The following CHKA variants were observed in gnomAD, a reference collection of about 807,000 sequenced individuals.
The protein encoded by CHKA is CHETK-alpha.
A neutral mutation model predicts 60.1 loss-of-function variants in CHKA; 34 were observed. The ratio of observed to expected loss-of-function variants is 0.57; its 90% CI spans 0.43 to 0.75. The LOEUF (loss-of-function observed/expected upper bound fraction) is 0.75. CHKA is among the 30% of genes least tolerant of loss of function. The pLI, the probability that CHKA is intolerant of heterozygous loss-of-function variation, is 0.00. For synonymous variants in CHKA, 217 were observed against 223.1 expected (o/e 0.97, Z 0.24); for missense variants, 563 against 561.3 (o/e 1.00, Z -0.03).
At chr11:68,088,607 T>C (rs1857260244) in intron 2 of CHKA, among the ~76,000 whole-genome samples, 1 of 152,184 alleles carries the variant, frequency 6.6e-6, no homozygotes, top group African/African-American at 2.4e-5. Flanking sequence ...AAGAGTTATG[T>C]GACTCTTTCA....
chr11:68,108,810 C>A (rs752411324), intron 1 of CHKA, among the ~76,000 whole-genome samples: 1 of 152,150 alleles, frequency 6.6e-6, no homozygotes, highest in Non-Finnish European at 1.5e-5. Context: ...CCGGCAGATA[C>A]AGAGAATCAC....
At chr11:68,084,307 TATACATGTGTATATATATACAC>T (rs1857087621) in intron 2 of CHKA, among the ~76,000 whole-genome samples, 12 of 141,228 alleles carry the variant, frequency 8.5e-5, no homozygotes, top group Non-Finnish European at 1.1e-4. Context: ...TATATGTGTA[TATACATGTGTATATATATACAC>T]ATATACGTAT....
At chr11:68,111,548 C>T (rs998646956) in intron 1 of CHKA, among the ~76,000 whole-genome samples, 1 of 151,790 alleles carries the variant, frequency 6.6e-6, no homozygotes, top group Non-Finnish European at 1.5e-5. Context: ...CATTGTACTC[C>T]AGCCAAGACA....
At chr11:68,114,755 A>C (rs1283006894) in intron 1 of CHKA, among the ~76,000 whole-genome samples, 4 of 143,396 alleles carry the variant, frequency 2.8e-5, no homozygotes, top group Non-Finnish European at 6.1e-5. Context: ...AACTCAGTGC[A>C]TATTATCAAG....
intron 2 of CHKA, among the ~76,000 whole-genome samples, chr11:68,083,211 A>C (rs147591242): frequency 4.6e-5 from 7 of 152,266 alleles, no homozygotes; most frequent in African/African-American, 1.7e-4. Context: ...GTATAGCACG[A>C]GGCAAGTGAG....
intron 11 of CHKA, among the ~76,000 whole-genome samples, chr11:68,057,603 G>C (rs1247785445): frequency 6.6e-6 from 1 of 152,168 alleles, no homozygotes; most frequent in African/African-American, 2.4e-5. Flanking sequence ...ACAGGCGTGA[G>C]CCACCGCGAC....
intron 5 of CHKA, 126 bp downstream of exon 5, chr11:68,070,598 T>A: frequency 1.0e-6 from 1 of 996,120 alleles, no homozygotes; most frequent in Non-Finnish European, 1.5e-6. Context: ...TATCACCAGC[T>A]GACACCCTGC....
chr11:68,097,246 G>T, intron 1 of CHKA, 116 bp from the exon 2 acceptor site: 1 of 620,288 alleles, frequency 1.6e-6, no homozygotes. Context: ...ATCTTATCTC[G>T]ATTTATTCTC....
At chr11:68,060,610 C>A (rs1405252156) in intron 11 of CHKA, among the ~76,000 whole-genome samples, 1 of 152,172 alleles carries the variant, frequency 6.6e-6, no homozygotes, top group African/African-American at 2.4e-5. Flanking sequence ...TGCAACCGGC[C>A]GAGATCACCA....
intron 11 of CHKA, among the ~76,000 whole-genome samples, chr11:68,060,328 G>A (rs1056594990): frequency 3.3e-5 from 5 of 151,294 alleles, no homozygotes; most frequent in South Asian, 2.1e-4. Context: ...CACCGCACCC[G>A]GCCAGAGTTT....
In CHKA at chr11:68,053,279, C is replaced by G. The variant is rs1383187069; in HGVS notation, c.*709G>C. ...TGCCCCCGTGGCCACGCATGGCTGT[C>G]TGCACACTCCATCAGGAGGAAGGGC... On this transcript the variant is annotated 3_prime_UTR_variant, in exon 12 of 12. Transcript: ENST00000265689. 1 of 152,332 alleles carries G rather than the reference C, an allele frequency of 6.6e-6. No homozygotes were observed. Among genetic ancestry groups the G allele is most frequent in the South Asian group, 2.1e-4 (1 of 4,832 alleles). 9.4% of individuals were successfully genotyped at this position (152,332 alleles called of 1,614,324 possible).
chr11:68,109,635 T>C (rs924143324), intron 1 of CHKA, among the ~76,000 whole-genome samples: 3 of 152,148 alleles, frequency 2.0e-5, no homozygotes, highest in Middle Eastern at 3.2e-3. Context: ...GACCTCACCA[T>C]AGGACTATAG....
chr11:68,066,590 G>C lies in CHKA; in HGVS notation c.929-74C>G, dbSNP rs998065349. 4 of 1,136,050 alleles carry C rather than the reference G, an allele frequency of 3.5e-6. No individual in the cohort carries two copies. The African/African-American group carries it at 6.1e-5, about 17-fold the overall frequency. The allele number at this position is 1,136,050 out of a possible 1,614,324, so 70.4% of individuals were successfully genotyped here. The stretch of plus-strand genomic sequence containing the variant: ...AAGTCCTTGAACAGCAGAGCCGAGA[G>C]AATGGATTTGATCCCTTAGGGAATC... On this transcript the variant is annotated intron_variant, in intron 7 of 11. Transcript: ENST00000265689.
intron 3 of CHKA, among the ~76,000 whole-genome samples, chr11:68,079,487 G>A (rs983960098): frequency 2.0e-5 from 3 of 151,978 alleles, no homozygotes; most frequent in Admixed American, 6.6e-5. Context: ...CCGCCACCAC[G>A]CCTGGCTAAT....
At position 68,121,208 on chromosome 11, in the gene CHKA, G is replaced by C; in HGVS notation, c.-31C>G. On this transcript the variant is annotated 5_prime_UTR_variant, in exon 1 of 12. Coordinates refer to ENST00000265689, the MANE Select transcript of CHKA (RefSeq NM_001277.3). ...ACAGGCGGCCGAGGAGGCGCGGGCG[G>C]CCGCAGCGCGAGAGGACTAGGCTCA... 2 of 1,148,454 alleles carry C rather than the reference G, an allele frequency of 1.7e-6. No individual in the cohort carries two copies. Among genetic ancestry groups the C allele is most frequent in the Non-Finnish European group, 2.1e-6 (2 of 933,950 alleles). 71.1% of individuals were successfully genotyped at this position (1,148,454 alleles called of 1,614,324 possible). A position where few individuals can be genotyped will look rare whatever the true frequency, so the allele number is the denominator to read the frequency against.
At position 68,066,486 on chromosome 11, in the gene CHKA, T is replaced by C. The variant is rs1246004278; in HGVS notation, c.959A>G (p.Asn320Ser). The change falls in exon 8 of 12, where the codon AAT becomes AGT. Residue 320 changes from asparagine to serine, a missense_variant. By Grantham distance (46) the Asn-to-Ser change is conservative (BLOSUM62 1). Coordinates refer to ENST00000265689, the MANE Select transcript of CHKA (RefSeq NM_001277.3). Reference sequence around the variant, plus strand: ...GAGCATCAGTTTCTGTTTTTCAGAATTCTCTCGGCCTTCCAGCAACAAGAT... The same window carrying C: ...GAGCATCAGTTTCTGTTTTTCAGAACTCTCTCGGCCTTCCAGCAACAAGAT... ...GNILLLEGRENSEKQKLMLID... is the reference protein window; with the variant it reads ...GNILLLEGRESSEKQKLMLID... 10 of 1,614,224 alleles carry C rather than the reference T, an allele frequency of 6.2e-6. No homozygotes were observed. The South Asian group carries it at 6.6e-5, about 11-fold the overall frequency.
At chr11:68,064,051 C>T (rs1353565706) in intron 10 of CHKA, among the ~76,000 whole-genome samples, 1 of 152,166 alleles carries the variant, frequency 6.6e-6, no homozygotes, top group Non-Finnish European at 1.5e-5. Flanking sequence ...TAGTCTCGGC[C>T]ACAATGGAGA....
chr11:68,086,430 T>C lies in CHKA; in HGVS notation c.463-4973A>G, dbSNP rs150424971. Among the ~76,000 whole-genome samples the C allele has an allele frequency of 1.3e-3, 195 of 152,354 alleles. 1 individual carries two copies. Among genetic ancestry groups the C allele is most frequent in the African/African-American group, 3.4e-3 (140 of 41,598 alleles). On this transcript the variant is annotated intron_variant, in intron 2 of 11. Transcript: ENST00000265689. ...ATGATTTTAGGATTCAAAAACCTAC[T>C]TTAAGTTACCTAATGTTCCACAATA...
chr11:68,092,563 T>C (rs1157273111), intron 2 of CHKA, among the ~76,000 whole-genome samples: 5 of 152,250 alleles, frequency 3.3e-5, no homozygotes, highest in Non-Finnish European at 7.3e-5. Flanking sequence ...GCTCGCATCT[T>C]AGAAGCTTCT....
Sources: allele counts gnomAD v4.1 joint callset (sites outside exome capture counted in the v4.1 genomes callset), GRCh38; gene constraint gnomAD v4.1.1; transcripts MANE v1.5; gene names NCBI Gene and HGNC (gene_info 2026-07-23, HGNC 2026-07-21).